ENAH: variants seen among roughly 807,000 people sequenced by gnomAD.
ENAH encodes protein enabled homolog.
ENAH carries 23 observed loss-of-function variants against 78.7 expected under a neutral mutation model. That is an observed-to-expected ratio of 0.29 (90% CI 0.21 to 0.41). ENAH has a LOEUF of 0.41. Among genes scored for constraint, ENAH ranks in the 10% least tolerant of loss-of-function variants. The pLI is 1.00. For synonymous variants in ENAH, 226 were observed against 241.0 expected (o/e 0.94, Z 0.58); for missense variants, 544 against 691.0 (o/e 0.79, Z 2.39).
intron 1 of ENAH, among the ~76,000 whole-genome samples, chr1:225,648,745 A>G (rs139150972): frequency 6.2e-4 from 93 of 149,882 alleles, no homozygotes; most frequent in African/African-American, 2.2e-3. Flanking sequence ...CCTGTGAAAT[A>G]TAAGATTATC....
intron 1 of ENAH, among the ~76,000 whole-genome samples, chr1:225,630,278 A>G (rs1206539396): frequency 6.6e-6 from 1 of 151,920 alleles, no homozygotes; most frequent in Admixed American, 6.6e-5. Flanking sequence ...TAAACAAAAA[A>G]GAAAGTAATT....
At chr1:225,591,666 G>A (rs2096876809) in intron 1 of ENAH, among the ~76,000 whole-genome samples, 1 of 149,288 alleles carries the variant, frequency 6.7e-6, no homozygotes, top group African/African-American at 2.5e-5. Context: ...TTGGGAGGCT[G>A]AGGCAGGAGA....
rs915584744 is a variant in ENAH, at chr1:225,646,955, G to A, written c.5+5731C>T. On this transcript the variant is annotated intron_variant, in intron 1 of 13. Transcript: ENST00000366843. Reference sequence around the variant, plus strand: ...ATCAAAACAAAGCAGGGCTGGGGGCGGTGACTCACGCCTATAATCCCAGCA... The same window carrying A: ...ATCAAAACAAAGCAGGGCTGGGGGCAGTGACTCACGCCTATAATCCCAGCA... Among the ~76,000 whole-genome samples the A allele has an allele frequency of 3.1e-4, 47 of 151,846 alleles. No individual in the cohort carries two copies. The Middle Eastern group carries it at 0.01, about 33-fold the overall frequency.
At chr1:225,521,818 CAG>C (rs898827243) in intron 4 of ENAH, among the ~76,000 whole-genome samples, 2 of 152,020 alleles carry the variant, frequency 1.3e-5, no homozygotes, top group African/African-American at 2.4e-5. Context: ...TTCCCCGAGA[CAG>C]AGTCTTGCTC....
intron 3 of ENAH, among the ~76,000 whole-genome samples, chr1:225,544,712 C>G (rs1485986861): frequency 6.6e-6 from 1 of 152,096 alleles, no homozygotes; most frequent in East Asian, 1.9e-4. Context: ...CTTTCCCAGA[C>G]AGTTAGTGAA....
chr1:225,517,823 G>A, intron 5 of ENAH: 1 of 1,551,478 alleles, frequency 6.4e-7, no homozygotes, highest in Non-Finnish European at 8.7e-7. Flanking sequence ...GGTGGTGTAG[G>A]GGGTGTGGAA....
intron 3 of ENAH, among the ~76,000 whole-genome samples, chr1:225,544,649 C>T (rs573184593): frequency 6.6e-5 from 10 of 152,248 alleles, no homozygotes; most frequent in African/African-American, 1.7e-4. Flanking sequence ...AGTCCCACAA[C>T]GTAAGACTAA....
At chr1:225,597,996 G>C (rs769057258) in intron 1 of ENAH, among the ~76,000 whole-genome samples, 3 of 151,358 alleles carry the variant, frequency 2.0e-5, no homozygotes, top group Non-Finnish European at 4.4e-5. Context: ...TGTGTTACCG[G>C]AATCCTCACA....
At chr1:225,550,819 G>T (rs550151657) in intron 3 of ENAH, among the ~76,000 whole-genome samples, 1 of 152,186 alleles carries the variant, frequency 6.6e-6, no homozygotes, top group Admixed American at 6.5e-5. Flanking sequence ...TTTTGAAAAG[G>T]CATGCTTCAT....
chr1:225,612,055 T>C (rs1427805736), intron 1 of ENAH, among the ~76,000 whole-genome samples: 1 of 152,090 alleles, frequency 6.6e-6, no homozygotes, highest in East Asian at 1.9e-4. Flanking sequence ...AAATTACCTA[T>C]CATGTAACCC....
chr1:225,635,833 G>A (rs1659965792), intron 1 of ENAH, among the ~76,000 whole-genome samples: 1 of 152,130 alleles, frequency 6.6e-6, no homozygotes, highest in South Asian at 2.1e-4. Context: ...TGAAGTGATG[G>A]ACCTAGAAGC....
intron 1 of ENAH, among the ~76,000 whole-genome samples, chr1:225,618,442 T>G (rs1238095420): frequency 6.6e-6 from 1 of 152,174 alleles, no homozygotes; most frequent in African/African-American, 2.4e-5. Context: ...AGTGGCCAAT[T>G]TGGAACCTTT....
At chr1:225,600,641 T>C (rs534603559) in intron 1 of ENAH, among the ~76,000 whole-genome samples, 6 of 151,636 alleles carry the variant, frequency 4.0e-5, no homozygotes, top group Non-Finnish European at 7.4e-5. Context: ...GAGGATTGCT[T>C]GAGCCCAAGG....
chr1:225,578,429 T>G (rs927692167), intron 1 of ENAH, among the ~76,000 whole-genome samples: 1 of 152,320 alleles, frequency 6.6e-6, no homozygotes, highest in Non-Finnish European at 1.5e-5. Context: ...GAGCTATTAC[T>G]GAGCCACTGC....
At chr1:225,548,400 GTTCT>G (rs2096625545) in intron 3 of ENAH, among the ~76,000 whole-genome samples, 3 of 152,050 alleles carry the variant, frequency 2.0e-5, no homozygotes, top group African/African-American at 7.2e-5. Context: ...CTAAACTCAA[GTTCT>G]TTCTACTAAA....
At chr1:225,629,778 T>C (rs200894912) in intron 1 of ENAH, among the ~76,000 whole-genome samples, 4 of 152,196 alleles carry the variant, frequency 2.6e-5, no homozygotes, top group South Asian at 4.1e-4. Context: ...CTCCTCCCTA[T>C]TGCTCTTTAT....
intron 1 of ENAH, among the ~76,000 whole-genome samples, chr1:225,567,734 T>C (rs1041927718): frequency 3.9e-5 from 6 of 152,240 alleles, no homozygotes; most frequent in African/African-American, 1.4e-4. Flanking sequence ...ACTATTATGT[T>C]GGTTCAAAAG....
intron 2 of ENAH, among the ~76,000 whole-genome samples, chr1:225,557,388 C>T (rs2096672265): frequency 1.3e-5 from 2 of 152,172 alleles, no homozygotes; most frequent in South Asian, 4.1e-4. Flanking sequence ...TTTATTTCTT[C>T]CTTTCCAATC....
At chr1:225,619,325 T>C (rs1317191679) in intron 1 of ENAH, among the ~76,000 whole-genome samples, 1 of 152,024 alleles carries the variant, frequency 6.6e-6, no homozygotes, top group African/African-American at 2.4e-5. Context: ...GGCAGATCAC[T>C]TGAGGTCAGG....
Sources: allele counts gnomAD v4.1 joint callset (sites outside exome capture counted in the v4.1 genomes callset), GRCh38; gene constraint gnomAD v4.1.1; transcripts MANE v1.5; gene names NCBI Gene and HGNC (gene_info 2026-07-23, HGNC 2026-07-21).